Variants in NUMB observed in about 807,000 individuals in gnomAD.
NUMB encodes protein numb homolog.
Under a neutral mutation model 59.7 loss-of-function variants are expected in NUMB, and 29 were observed. The ratio of observed to expected loss-of-function variants is 0.49; its 90% CI spans 0.36 to 0.66. The LOEUF (loss-of-function observed/expected upper bound fraction) is 0.66. NUMB is among the 30% of genes least tolerant of loss of function. The probability of loss-of-function intolerance (pLI) is 0.00; values close to 1 mark genes in which losing one functional copy is unlikely to be tolerated. For missense variants in NUMB, 723 were observed against 822.0 expected (o/e 0.88, Z 1.47); for synonymous variants, 288 against 288.2 (o/e 1.00, Z 0.01).
At chr14:73,281,865 C>A (rs950505012) in intron 11 of NUMB, among the ~76,000 whole-genome samples, 2 of 152,106 alleles carry the variant, frequency 1.3e-5, no homozygotes, top group Non-Finnish European at 2.9e-5. Context: ...GTCGTCTACA[C>A]TGAAGGATGT....
At chr14:73,353,072 G>GTTTTTGTTTTTTT (rs71450219) in intron 4 of NUMB, among the ~76,000 whole-genome samples, 1 of 58,514 alleles carries the variant, frequency 1.7e-5, no homozygotes, top group Admixed American at 2.7e-4. Flanking sequence ...AGTTTTTCTT[G>GTTTTTGTTTTTTT]TTTTTTTTTT....
intron 9 of NUMB, chr14:73,285,300 A>G (rs1194599913): frequency 2.0e-5 from 3 of 152,156 alleles, no homozygotes; most frequent in Non-Finnish European, 4.4e-5. Flanking sequence ...ACCAACTCTC[A>G]CAATCCTTTG....
At chr14:73,294,398 G>C (rs1889618933) in intron 7 of NUMB, among the ~76,000 whole-genome samples, 1 of 152,146 alleles carries the variant, frequency 6.6e-6, no homozygotes, top group Non-Finnish European at 1.5e-5. Context: ...TATATCCTTA[G>C]TTGGGCTATT....
chr14:73,301,953 C>T (rs1344574244), intron 6 of NUMB, among the ~76,000 whole-genome samples: 3 of 151,960 alleles, frequency 2.0e-5, no homozygotes, highest in Admixed American at 6.5e-5. Flanking sequence ...TGTGGGGGCA[C>T]GTGCCTGTAA....
chr14:73,424,777 A>T (rs995273701), intron 1 of NUMB, among the ~76,000 whole-genome samples: 1 of 152,236 alleles, frequency 6.6e-6, no homozygotes, highest in African/African-American at 2.4e-5. Context: ...CTCTCCACTA[A>T]TTCAAACCCC....
At chr14:73,401,601 G>C (rs1199509582) in intron 2 of NUMB, among the ~76,000 whole-genome samples, 1 of 125,952 alleles carries the variant, frequency 7.9e-6, no homozygotes, top group South Asian at 2.5e-4. Flanking sequence ...ACGGAGTCTC[G>C]CTCTGTCGCC....
intron 2 of NUMB, among the ~76,000 whole-genome samples, chr14:73,395,195 T>A (rs1477697064): frequency 6.8e-6 from 1 of 147,132 alleles, no homozygotes; most frequent in Non-Finnish European, 1.5e-5. Context: ...TAGCTACACA[T>A]GATGTATACA....
At chr14:73,370,870 G>A (rs1343052880) in intron 2 of NUMB, among the ~76,000 whole-genome samples, 1 of 152,144 alleles carries the variant, frequency 6.6e-6, no homozygotes, top group African/African-American at 2.4e-5. Flanking sequence ...AAAATGTTAG[G>A]TAAATTTTTA....
chr14:73,380,438 A>T (rs1465022400), intron 2 of NUMB, among the ~76,000 whole-genome samples: 3 of 152,202 alleles, frequency 2.0e-5, no homozygotes, highest in Non-Finnish European at 4.4e-5. Context: ...TTTATGACTG[A>T]GATAGTTACA....
chr14:73,385,058 C>A (rs1895436819), intron 2 of NUMB, among the ~76,000 whole-genome samples: 1 of 151,734 alleles, frequency 6.6e-6, no homozygotes, highest in Non-Finnish European at 1.5e-5. Flanking sequence ...CATGCCTGGC[C>A]CAGAACTTTC....
chr14:73,276,566 CATA>C lies in NUMB; in HGVS notation c.*9_*11del, dbSNP rs1888166049. On this transcript the variant is annotated 3_prime_UTR_variant, in exon 13 of 13. Coordinates refer to ENST00000555238, the MANE Select transcript of NUMB (RefSeq NM_001005743.2). ...GTCTGGTATGGACAAGATACATAGC[CATA>C]ATGATTGCTTAAAGTTCAATTTCAA... 2.5e-6 allele frequency: 4 copies of C among 1,601,662 alleles called. No homozygotes were observed. The highest frequency in any genetic ancestry group is 3.4e-6 in the Non-Finnish European group (4 of 1,170,864).
At chr14:73,367,822 A>G (rs1405701194) in intron 2 of NUMB, among the ~76,000 whole-genome samples, 1 of 151,394 alleles carries the variant, frequency 6.6e-6, no homozygotes, top group Non-Finnish European at 1.5e-5. Flanking sequence ...GATAGGAAGG[A>G]ATATTTACGA....
chr14:73,401,645 C>A (rs981635670), intron 2 of NUMB, among the ~76,000 whole-genome samples: 3 of 148,216 alleles, frequency 2.0e-5, no homozygotes, highest in Non-Finnish European at 3.0e-5. Context: ...CCTTGGCTCA[C>A]TGCAAGCTCC....
intron 8 of NUMB, among the ~76,000 whole-genome samples, chr14:73,291,374 C>T (rs1889388378): frequency 6.6e-6 from 1 of 150,400 alleles, no homozygotes; most frequent in Non-Finnish European, 1.5e-5. Flanking sequence ...AGCCACCGTG[C>T]CTGGCCTATT....
chr14:73,353,162 G>GCCACCT (rs1288386131), intron 4 of NUMB, among the ~76,000 whole-genome samples: 1 of 130,854 alleles, frequency 7.6e-6, no homozygotes, highest in African/African-American at 2.9e-5. Flanking sequence ...TGGGCTCACT[G>GCCACCT]CCACCTCCAC....
rs185325976 is a variant in NUMB at position 73,423,103 on chromosome 14, G to T, written c.-232-13035C>A. The stretch of plus-strand genomic sequence containing the variant: ...ACAGAGACAAGATTTCAAGCCCTCT[G>T]ATTTCAAATCCTGTGTTCCTTCCAC... On this transcript the variant is annotated intron_variant, in intron 1 of 12. Coordinates refer to ENST00000555238, the MANE Select transcript of NUMB (RefSeq NM_001005743.2). Among the ~76,000 whole-genome samples, 3 of 152,246 alleles carry T rather than the reference G, an allele frequency of 2.0e-5. No homozygotes were observed. The East Asian group carries it at 5.8e-4, about 29-fold the overall frequency.
chr14:73,335,356 C>T (rs1037582123), intron 4 of NUMB, among the ~76,000 whole-genome samples: 7 of 145,108 alleles, frequency 4.8e-5, no homozygotes, highest in Non-Finnish European at 7.5e-5. Flanking sequence ...AAAATTATTT[C>T]ATTTATGAAC....
At chr14:73,404,260 AAATAATAATAAT>A (rs10677503) in intron 2 of NUMB, among the ~76,000 whole-genome samples, 1 of 145,934 alleles carries the variant, frequency 6.9e-6, no homozygotes, top group Admixed American at 7.0e-5. Context: ...AAAAAAGGTA[AAATAATAATAAT>A]AATAATAATA....
At chr14:73,398,583 AT>A (rs559445136) in intron 2 of NUMB, among the ~76,000 whole-genome samples, 5,636 of 145,600 alleles carry the variant, frequency 0.039, 129 homozygotes, top group Middle Eastern at 0.075. Context: ...TTATTTGGGT[AT>A]TTTTTTTTTT....
Sources: gnomAD v4.1 joint callset for allele counts (sites outside exome capture counted in the v4.1 genomes callset) on GRCh38, gnomAD v4.1.1 for gene constraint, MANE v1.5 for transcripts, NCBI Gene and HGNC (gene_info 2026-07-23, HGNC 2026-07-21) for gene names.